Variants in ULK4 observed in about 807,000 individuals in gnomAD.
The protein encoded by ULK4 is inactive serine/threonine-protein kinase ULK4.
A neutral mutation model predicts 160.6 loss-of-function variants in ULK4; 133 were observed. The observed-to-expected ratio is 0.83, with a 90% CI of 0.72 to 0.96. The LOEUF is 0.96. Ranked by LOEUF, ULK4 falls within the 40% of genes least tolerant of loss-of-function variation. The pLI, the probability that ULK4 is intolerant of heterozygous loss-of-function variation, is 0.00. For missense variants in ULK4, 1,580 were observed against 1,499.5 expected (o/e 1.05, Z -0.89); for synonymous variants, 534 against 539.8 (o/e 0.99, Z 0.15).
intron 12 of ULK4, among the ~76,000 whole-genome samples, chr3:41,904,118 T>C (rs1269826903): frequency 6.6e-6 from 1 of 152,004 alleles, no homozygotes; most frequent in Non-Finnish European, 1.5e-5. Flanking sequence ...TGTAATAGAA[T>C]AAAAAGTATC....
Position 41,258,446 on chromosome 3 carries a change from A to T in ULK4, c.3679-8872T>A, listed in dbSNP as rs2078877476. On this transcript the variant is annotated intron_variant, in intron 35 of 36. Transcript: ENST00000301831. ...GACGTCAAGAGGGAGTATTCCAGCG[A>T]CACTAAGAAAATAATGCAAGAGAAC... The T allele has an allele frequency of 4.6e-5, 7 of 152,228 alleles. 1 individual carries two copies. In the South Asian group the frequency reaches 1.4e-3, roughly 32 times the overall value. The allele number at this position is 152,228 out of a possible 1,614,324, so 9.4% of individuals were successfully genotyped here.
intron 31 of ULK4, among the ~76,000 whole-genome samples, chr3:41,567,740 G>A (rs1374632464): frequency 6.6e-6 from 1 of 152,114 alleles, no homozygotes; most frequent in Admixed American, 6.6e-5. Context: ...TGGGATTACA[G>A]GCGTGAGCCA....
chr3:41,490,366 C>G (rs957765750), intron 32 of ULK4, among the ~76,000 whole-genome samples: 84 of 152,198 alleles, frequency 5.5e-4, no homozygotes, highest in African/African-American at 1.9e-3. Flanking sequence ...ACACTTCCAG[C>G]CAGAATGTAT....
chr3:41,885,247 T>A (rs758423562), intron 16 of ULK4, among the ~76,000 whole-genome samples: 10 of 152,336 alleles, frequency 6.6e-5, no homozygotes, highest in Non-Finnish European at 1.2e-4. Flanking sequence ...TTTATTCAAC[T>A]AAAATAAAAA....
chr3:41,739,915 T>C lies in ULK4; in HGVS notation c.2321+14446A>G, dbSNP rs562173359. Among the ~76,000 whole-genome samples, 53 of 152,092 alleles carry C rather than the reference T, an allele frequency of 3.5e-4. 1 individual carries two copies. In the South Asian group the frequency reaches 0.01, roughly 29 times the overall value. ...CTATTCATATCATTATGAATCTCTC[T>C]ATAATACACAAATTAACTATTATAT... On this transcript the variant is annotated intron_variant, in intron 22 of 36. Coordinates refer to ENST00000301831, the MANE Select transcript of ULK4 (RefSeq NM_017886.4).
chr3:41,823,150 A>G (rs78270241), intron 18 of ULK4, among the ~76,000 whole-genome samples: 6,644 of 152,296 alleles, frequency 0.044, 450 homozygotes, highest in African/African-American at 0.15. Flanking sequence ...CAGATCACTC[A>G]GAGACAGGGA....
intron 34 of ULK4, among the ~76,000 whole-genome samples, chr3:41,405,412 A>G (rs1458722021): frequency 3.3e-5 from 5 of 152,136 alleles, no homozygotes; most frequent in Non-Finnish European, 5.9e-5. Context: ...TGTCTCTGCT[A>G]TTGTGAATAG....
At chr3:41,804,645 G>C (rs1159497336) in intron 19 of ULK4, among the ~76,000 whole-genome samples, 1 of 151,962 alleles carries the variant, frequency 6.6e-6, no homozygotes, top group East Asian at 1.9e-4. Flanking sequence ...AATCCATCTT[G>C]AATTAATTTT....
chr3:41,648,811 G>GGAGA (rs2034617263), intron 30 of ULK4, among the ~76,000 whole-genome samples: 1 of 152,122 alleles, frequency 6.6e-6, no homozygotes, highest in Non-Finnish European at 1.5e-5. Flanking sequence ...ACCCTTTCCA[G>GGAGA]GAGAGAAAGC....
intron 34 of ULK4, among the ~76,000 whole-genome samples, chr3:41,443,294 A>G (rs910436697): frequency 6.6e-6 from 1 of 152,146 alleles, no homozygotes; most frequent in African/African-American, 2.4e-5. Context: ...ATCATTTTTA[A>G]TTTATTTGAT....
At chr3:41,266,030 C>A (rs1320246277) in intron 35 of ULK4, among the ~76,000 whole-genome samples, 1 of 152,226 alleles carries the variant, frequency 6.6e-6, no homozygotes, top group Non-Finnish European at 1.5e-5. Context: ...AAATAACTTT[C>A]TGGCTAAGTG....
intron 30 of ULK4, among the ~76,000 whole-genome samples, chr3:41,626,280 ATTT>A (rs1161369210): frequency 6.6e-6 from 1 of 152,132 alleles, no homozygotes; most frequent in Non-Finnish European, 1.5e-5. Flanking sequence ...AAATTTTTTA[ATTT>A]ATTTATTAAT....
chr3:41,377,942 C>T (rs1280292706), intron 35 of ULK4, among the ~76,000 whole-genome samples: 4 of 151,556 alleles, frequency 2.6e-5, no homozygotes, highest in Non-Finnish European at 5.9e-5. Flanking sequence ...TATTGCAGCA[C>T]TATTCACAAT....
intron 31 of ULK4, among the ~76,000 whole-genome samples, chr3:41,567,977 GA>G (rs1425125030): frequency 6.6e-6 from 1 of 152,118 alleles, no homozygotes; most frequent in Non-Finnish European, 1.5e-5. Context: ...CATTTACACT[GA>G]TACTAACAAC....
At chr3:41,765,208 C>T (rs921710291) in intron 21 of ULK4, among the ~76,000 whole-genome samples, 1 of 152,144 alleles carries the variant, frequency 6.6e-6, no homozygotes, top group East Asian at 1.9e-4. Flanking sequence ...CACATATACA[C>T]CATGGAATAC....
chr3:41,387,122 T>G (rs2081832197), intron 35 of ULK4, among the ~76,000 whole-genome samples: 1 of 152,148 alleles, frequency 6.6e-6, no homozygotes, highest in Non-Finnish European at 1.5e-5. Flanking sequence ...ATAACTACTG[T>G]ATAAATTCAT....
At chr3:41,791,709 A>C (rs2040155850) in intron 20 of ULK4, among the ~76,000 whole-genome samples, 1 of 152,154 alleles carries the variant, frequency 6.6e-6, no homozygotes, top group Non-Finnish European at 1.5e-5. Flanking sequence ...GTATTGAAAT[A>C]AACATTTATG....
chr3:41,337,403 GCCT>G (rs2080584485), intron 35 of ULK4, among the ~76,000 whole-genome samples: 1 of 152,056 alleles, frequency 6.6e-6, no homozygotes, highest in Non-Finnish European at 1.5e-5. Flanking sequence ...TAAGGGCGAG[GCCT>G]CCTCATCTGC....
At chr3:41,251,938 C>G (rs1288213867) in intron 35 of ULK4, among the ~76,000 whole-genome samples, 3 of 152,172 alleles carry the variant, frequency 2.0e-5, no homozygotes, top group Non-Finnish European at 2.9e-5. Flanking sequence ...GGCCTCACCC[C>G]CAACCTGTGT....
Sources: allele counts gnomAD v4.1 joint callset (sites outside exome capture counted in the v4.1 genomes callset), GRCh38; gene constraint gnomAD v4.1.1; transcripts MANE v1.5; gene names NCBI Gene and HGNC (gene_info 2026-07-23, HGNC 2026-07-21).